PRSS57: variants seen among roughly 807,000 people sequenced by gnomAD.
PRSS57 encodes serine protease 57.
PRSS57 carries 19 observed loss-of-function variants against 20.6 expected under a neutral mutation model. The observed-to-expected ratio is 0.92, with a 90% CI of 0.64 to 1.35. PRSS57 has a LOEUF of 1.35. Among genes scored for constraint, PRSS57 ranks in the 40% most tolerant of loss-of-function variants. The pLI is 0.00. For missense variants in PRSS57, 440 were observed against 403.7 expected, an observed-to-expected ratio of 1.09 and a Z score of -0.77; for synonymous variants, 203 against 176.6, an observed-to-expected ratio of 1.15 and a Z score of -1.19.
intron 4 of PRSS57, among the ~76,000 whole-genome samples, chr19:686,303 A>G (rs2031472734): frequency 6.6e-6 from 1 of 151,886 alleles, no homozygotes. Flanking sequence ...GATTCCTTCA[A>G]GTCTCAGCTC....
At chr19:686,234 C>T (rs12609526) in intron 4 of PRSS57, among the ~76,000 whole-genome samples, 59,901 of 151,684 alleles carry the variant, frequency 0.39, 12,513 homozygotes, top group African/African-American at 0.51. Flanking sequence ...CAGCTGTACG[C>T]GGCAGCCCTC....
At chr19:694,195 G>C (rs549775362) in intron 2 of PRSS57, among the ~76,000 whole-genome samples, 1 of 152,180 alleles carries the variant, frequency 6.6e-6, no homozygotes, top group Admixed American at 6.5e-5. Flanking sequence ...AACCTATCCC[G>C]TGCCTGGTGG....
intron 4 of PRSS57, among the ~76,000 whole-genome samples, chr19:686,646 G>A (rs1234827358): frequency 1.3e-5 from 2 of 152,158 alleles, no homozygotes; most frequent in Admixed American, 6.5e-5. Context: ...GGTTTTAGGA[G>A]TGGGAGCTGC....
chr19:690,701 G>T, intron 3 of PRSS57: 1 of 321,194 alleles, frequency 3.1e-6, no homozygotes, highest in East Asian at 7.7e-5. Context: ...TCCCACCGGG[G>T]ACTACAATGG....
intron 3 of PRSS57, among the ~76,000 whole-genome samples, chr19:690,021 C>T (rs1028497837): frequency 1.3e-5 from 2 of 151,124 alleles, no homozygotes; most frequent in Admixed American, 6.6e-5. Flanking sequence ...CCACTTTACT[C>T]CAGCCCAGGT....
rs149348100 is a variant in PRSS57 at position 685,623 on chromosome 19, C to T, written c.*93G>A. ...GTGCCCCACCGCTGCCCGTCCCACC[C>T]CAACCCTGAACATCAGGCTTCCCGT... On this transcript the variant is annotated 3_prime_UTR_variant, in exon 5 of 5. Transcript: ENST00000329267. 5.8e-5 allele frequency: 76 copies of T among 1,303,464 alleles called. No homozygotes were observed. The African/African-American group carries it at 1.0e-3, about 18-fold the overall frequency. The allele number at this position is 1,303,464 out of a possible 1,614,324, so 80.7% of individuals were successfully genotyped here.
intron 3 of PRSS57, chr19:690,871 C>T (rs985362888): frequency 8.3e-6 from 3 of 359,614 alleles, no homozygotes; most frequent in South Asian, 2.5e-5. Context: ...CAGGCCGCTG[C>T]GGCTCTGCGC....
intron 3 of PRSS57, among the ~76,000 whole-genome samples, chr19:689,560 G>C (rs1239969749): frequency 1.3e-5 from 2 of 151,992 alleles, no homozygotes; most frequent in Admixed American, 6.6e-5. Flanking sequence ...TGTCCTGCAG[G>C]AGGTGGGAGC....
chr19:694,891 G>A lies in PRSS57; in HGVS notation c.156C>T (p.Phe52=), dbSNP rs748295041. The A allele has an allele frequency of 3.7e-5, 60 of 1,603,986 alleles. 1 individual carries two copies. The South Asian group carries it at 5.0e-4, about 13-fold the overall frequency. The part of the protein sequence containing the change: ...HSRPYMASVR[F]GGQHHCGGFL... ...AGCCTCCGCAGTGATGTTGGCCCCCGAAGCGCACGGATGCCATGTAGGGCC... is the reference window on the plus strand; with the variant it reads ...AGCCTCCGCAGTGATGTTGGCCCCCAAAGCGCACGGATGCCATGTAGGGCC... The change falls in exon 2 of 5, where the codon TTC becomes TTT. Residue 52 remains phenylalanine, a synonymous_variant. Transcript: ENST00000329267.
rs574004730 is a variant in PRSS57, at chr19:690,455, G to A, written c.378+1403C>T. The A allele has an allele frequency of 9.2e-5, 16 of 173,666 alleles. No individual in the cohort carries two copies. In the South Asian group the frequency reaches 1.5e-3, roughly 16 times the overall value. The allele number at this position is 173,666 out of a possible 1,614,324, so 10.8% of individuals were successfully genotyped here. ...CTGGCTTCCGGGCTGGGGCCGCGGA[G>A]CTCACAGAGGCAAGACAGAGGATAA... is the stretch of plus-strand genomic sequence containing the variant. On this transcript the variant is annotated intron_variant, in intron 3 of 4. Transcript: ENST00000329267.
chr19:690,979 T>C, intron 3 of PRSS57: 1 of 443,178 alleles, frequency 2.3e-6, no homozygotes. Context: ...CTGCTACACC[T>C]TAGCCAGGGG....
chr19:693,897 A>G (rs774391784), intron 2 of PRSS57, among the ~76,000 whole-genome samples: 3 of 152,026 alleles, frequency 2.0e-5, no homozygotes, highest in East Asian at 1.9e-4. Context: ...CTGCCACCAC[A>G]TCCGGCTAAT....
At position 690,679 on chromosome 19, in the gene PRSS57, C is replaced by T. The variant is rs111248551; in HGVS notation, c.378+1179G>A. ...TCCGCACCGGCCAGCGCACCAGGTTCGAGGCGTCTGTTCCCACCGGGGACT... is the reference window on the plus strand; with the variant it reads ...TCCGCACCGGCCAGCGCACCAGGTTTGAGGCGTCTGTTCCCACCGGGGACT... On this transcript the variant is annotated intron_variant, in intron 3 of 4. Coordinates refer to ENST00000329267, the MANE Select transcript of PRSS57 (RefSeq NM_001308209.2). 4.8e-3 allele frequency: 1,386 copies of T among 290,172 alleles called. 19 individuals are homozygous for T. The highest frequency in any genetic ancestry group is 0.028 in the African/African-American group (1,258 of 44,568). The allele number at this position is 290,172 out of a possible 1,614,324, so 18.0% of individuals were successfully genotyped here.
chr19:686,346 T>A (rs1192336230), intron 4 of PRSS57, among the ~76,000 whole-genome samples: 1 of 151,902 alleles, frequency 6.6e-6, no homozygotes, highest in African/African-American at 2.4e-5. Context: ...GCTCCCCGTA[T>A]ACTCACCCTA....
At chr19:692,732 T>G (rs1194527477) in intron 2 of PRSS57, among the ~76,000 whole-genome samples, 2 of 151,730 alleles carry the variant, frequency 1.3e-5, no homozygotes, top group Non-Finnish European at 2.9e-5. Context: ...CTTAATATTA[T>G]GATAATAAAT....
At chr19:685,945 G>T in intron 4 of PRSS57, 23 bp from the exon 5 acceptor site, 1 of 1,517,306 alleles carries the variant, frequency 6.6e-7, no homozygotes. Context: ...GAGAGGTGAG[G>T]TCAGGGCCTC....
intron 2 of PRSS57, 121 bp downstream of exon 2, chr19:694,693 C>A: frequency 2.6e-6 from 3 of 1,153,848 alleles, no homozygotes. Context: ...TTAAATCCAG[C>A]CCCTGCTGAG....
In PRSS57 at chr19:685,718, A is replaced by G; in HGVS notation, c.847T>C (p.Ter283ArgextTer55). 1 of 1,537,400 alleles carries G rather than the reference A, an allele frequency of 6.5e-7. No homozygotes were observed. The highest frequency in any genetic ancestry group is 1.9e-5 in the Admixed American group (1 of 51,962). Residue 283 changes from the stop codon to arginine, a stop_lost, in exon 5 of 5, where the codon TGA becomes CGA. Transcript: ENST00000329267. The stretch of plus-strand genomic sequence containing the variant: ...TTTGCATGCCGCAAGGTTGTGGCTC[A>G]GGCGGCTTCTCCTGGGGGCCTGGTG... ...GTTRPPGEAA[*>R]
At chr19:694,361 A>C (rs1335539315) in intron 2 of PRSS57, among the ~76,000 whole-genome samples, 3 of 151,532 alleles carry the variant, frequency 2.0e-5, no homozygotes, top group Non-Finnish European at 4.4e-5. Context: ...TGAAGTCAGG[A>C]GTTCGAGACC....
Sources: allele counts gnomAD v4.1 joint callset (sites outside exome capture counted in the v4.1 genomes callset), GRCh38; gene constraint gnomAD v4.1.1; transcripts MANE v1.5; gene names NCBI Gene and HGNC (gene_info 2026-07-23, HGNC 2026-07-21).